TRIM5: variants seen among roughly 807,000 people sequenced by gnomAD.
TRIM5 encodes tripartite motif containing 5, also known as tripartite motif-containing protein 5.
Under a neutral mutation model 35.6 loss-of-function variants are expected in TRIM5, and 31 were observed. That is an observed-to-expected ratio of 0.87 (90% confidence interval 0.65 to 1.18). The LOEUF (loss-of-function observed/expected upper bound fraction) is 1.18. Among genes scored for constraint, TRIM5 ranks in the 50% most tolerant of loss-of-function variants. TRIM5 has a pLI of 0.00. For missense variants in TRIM5, 609 were observed against 591.6 expected (o/e 1.03, Z -0.31); for synonymous variants, 243 against 215.6 (o/e 1.13, Z -1.11).
At chr11:5,665,549 ATAAATCT>A (rs1851064880) in intron 7 of TRIM5, 100 bp downstream of exon 7, 1 of 1,572,170 alleles carries the variant, frequency 6.4e-7, no homozygotes, top group Middle Eastern at 1.7e-4. Flanking sequence ...AAGGAGAATC[ATAAATCT>A]TAAAACATGA....
chr11:5,602,911 A>G, the TRIM5 span, among the ~76,000 whole-genome samples: 25,127 of 151,750 alleles, frequency 0.17, 2,173 homozygotes, highest in South Asian at 0.2. Flanking sequence ...CTGAGATTGT[A>G]CCACTGCATT....
the TRIM5 span, among the ~76,000 whole-genome samples, chr11:5,618,232 T>C: frequency 6.6e-6 from 1 of 152,112 alleles, no homozygotes; most frequent in Non-Finnish European, 1.5e-5. Context: ...TAGCCGGGCA[T>C]GGTGGCCCGC....
intron 5 of TRIM5, chr11:5,666,378 T>TAAA (rs397738949): frequency 3.3e-5 from 6 of 180,240 alleles, no homozygotes; most frequent in South Asian, 1.2e-4. Context: ...TCATAGGACA[T>TAAA]AAAAAAAAAA....
chr11:5,634,042 G>C, the TRIM5 span: 1 of 856,246 alleles, frequency 1.2e-6, no homozygotes, highest in Admixed American at 3.0e-5. Flanking sequence ...GTCCCTGTTG[G>C]GGGTGGAGGC....
the TRIM5 span, among the ~76,000 whole-genome samples, chr11:5,599,966 G>A: frequency 6.6e-6 from 1 of 152,158 alleles, no homozygotes; most frequent in Non-Finnish European, 1.5e-5. Flanking sequence ...TGTGCTAAGT[G>A]AGATGATGTG....
chr11:5,594,015 T>A, the TRIM5 span, among the ~76,000 whole-genome samples: 2 of 152,244 alleles, frequency 1.3e-5, no homozygotes, highest in Non-Finnish European at 2.9e-5. Flanking sequence ...TTCCATTTTT[T>A]AATATGAGTA....
chr11:5,613,427 C>T, the TRIM5 span, among the ~76,000 whole-genome samples: 6 of 152,198 alleles, frequency 3.9e-5, no homozygotes, highest in African/African-American at 1.4e-4. Context: ...AAGCTCACTA[C>T]TGGTTTGTTC....
At chr11:5,652,898 C>T in the TRIM5 span, among the ~76,000 whole-genome samples, 1 of 149,064 alleles carries the variant, frequency 6.7e-6, no homozygotes, top group African/African-American at 2.5e-5. Flanking sequence ...GTTGCCTAGG[C>T]TGGAGTGCAG....
In TRIM5 at chr11:5,663,388, G is replaced by A; in HGVS notation, c.*1421C>T. Reference sequence around the variant, plus strand: ...ATATATGTGTGTATTATATATAGAAGGCAGAATTGAAGTCATTTTGACAGT... The same window carrying A: ...ATATATGTGTGTATTATATATAGAAAGCAGAATTGAAGTCATTTTGACAGT... On this transcript the variant is annotated 3_prime_UTR_variant, in exon 8 of 8. Transcript: ENST00000380034. 2.0e-6 allele frequency: 2 copies of A among 975,866 alleles called. No individual in the cohort carries two copies. The highest frequency in any genetic ancestry group is 1.2e-6 in the Non-Finnish European group (1 of 821,286). 60.5% of individuals were successfully genotyped at this position (975,866 alleles called of 1,614,324 possible).
At chr11:5,615,211 T>G in the TRIM5 span, among the ~76,000 whole-genome samples, 13 of 152,336 alleles carry the variant, frequency 8.5e-5, no homozygotes, top group Non-Finnish European at 1.5e-4. Flanking sequence ...TATTGGTAAA[T>G]GTTTCATTTG....
chr11:5,638,473 G>C, the TRIM5 span, among the ~76,000 whole-genome samples: 6 of 150,784 alleles, frequency 4.0e-5, no homozygotes, highest in South Asian at 1.3e-3. Context: ...CATTTATTTG[G>C]TTGTACACCA....
At chr11:5,622,792 T>G in the TRIM5 span, among the ~76,000 whole-genome samples, 1 of 152,356 alleles carries the variant, frequency 6.6e-6, no homozygotes. Flanking sequence ...AAAGAGTATC[T>G]GAGAAAACTC....
chr11:5,594,400 C>A, the TRIM5 span, among the ~76,000 whole-genome samples: 1 of 152,110 alleles, frequency 6.6e-6, no homozygotes, highest in African/African-American at 2.4e-5. Context: ...CTCAACCTTC[C>A]GGGCTCAAGT....
intron 4 of TRIM5, among the ~76,000 whole-genome samples, chr11:5,668,428 T>C (rs1219682670): frequency 6.6e-6 from 1 of 152,026 alleles, no homozygotes; most frequent in Non-Finnish European, 1.5e-5. Context: ...AGCAAACAAG[T>C]GTACTAAACA....
chr11:5,665,011 A>G lies in TRIM5; in HGVS notation c.1280T>C (p.Val427Ala), dbSNP rs1048824466. Residue 427 changes from valine to alanine, a missense_variant, in exon 8 of 8, where the codon GTG becomes GCG. Val to Ala is a moderately conservative substitution (Grantham distance 64). Transcript: ENST00000380034. Reference protein sequence around the residue: ...SFHTPSVPFIVPLSVIICPDR... With the variant: ...SFHTPSVPFIAPLSVIICPDR... Reference sequence around the variant, plus strand: ...AGGACAAATAATCACAGAGAGGGGCACAATGAAAGGAACAGAAGGAGTATG... The same window carrying G: ...AGGACAAATAATCACAGAGAGGGGCGCAATGAAAGGAACAGAAGGAGTATG... 1.2e-6 allele frequency: 2 copies of G among 1,614,086 alleles called. No individual in the cohort carries two copies. The highest frequency in any genetic ancestry group is 2.7e-5 in the African/African-American group (2 of 74,934).
At chr11:5,590,802 C>T in the TRIM5 span, 1 of 152,442 alleles carries the variant, frequency 6.6e-6, no homozygotes, top group East Asian at 1.9e-4. Context: ...GTCCACACTG[C>T]TTTTATGAGC....
At chr11:5,633,781 G>C in the TRIM5 span, 11,234 of 1,609,062 alleles carry the variant, frequency 7.0e-3, 410 homozygotes, top group African/African-American at 0.086. Context: ...TAGCTTGACT[G>C]TAGTGTGATT....
At chr11:5,620,376 A>G in the TRIM5 span, among the ~76,000 whole-genome samples, 1 of 150,718 alleles carries the variant, frequency 6.6e-6, no homozygotes, top group African/African-American at 2.4e-5. Flanking sequence ...ACGGGGTTTC[A>G]CCATGTTGGC....
At chr11:5,657,532 TATTTATA>T in the TRIM5 span, among the ~76,000 whole-genome samples, 1 of 125,462 alleles carries the variant, frequency 8.0e-6, no homozygotes, top group South Asian at 2.2e-4. Context: ...TTATATATAT[TATTTATA>T]TATTATATAT....
Sources: gnomAD v4.1 joint callset for allele counts (sites outside exome capture counted in the v4.1 genomes callset) on GRCh38, gnomAD v4.1.1 for gene constraint, MANE v1.5 for transcripts, NCBI Gene and HGNC (gene_info 2026-07-23, HGNC 2026-07-21) for gene names.